EEIG2: variants seen among roughly 807,000 people sequenced by gnomAD.
EEIG2 encodes EEIG family member 2.
chr1:108,614,450 T>C, the EEIG2 span, among the ~76,000 whole-genome samples: 2 of 152,162 alleles, frequency 1.3e-5, no homozygotes, highest in Non-Finnish European at 2.9e-5. Flanking sequence ...TTCTGTCTCA[T>C]ACCTTTTTTC....
chr1:108,596,561 T>C, the EEIG2 span, among the ~76,000 whole-genome samples: 1 of 152,150 alleles, frequency 6.6e-6, no homozygotes, highest in African/African-American at 2.4e-5. Context: ...TCTGGAATGA[T>C]AAAATATCAA....
chr1:108,574,078 T>G, the EEIG2 span, among the ~76,000 whole-genome samples: 2 of 152,186 alleles, frequency 1.3e-5, no homozygotes, highest in Admixed American at 1.3e-4. Context: ...CATAGCAGCA[T>G]TATTCTAAAT....
At chr1:108,626,876 C>CA in the EEIG2 span, 1 of 152,196 alleles carries the variant, frequency 6.6e-6, no homozygotes, top group South Asian at 2.1e-4. Context: ...ATACGTCGCT[C>CA]AAGTCCTGGG....
the EEIG2 span, chr1:108,626,977 C>G: frequency 6.6e-6 from 1 of 152,148 alleles, no homozygotes; most frequent in Non-Finnish European, 1.5e-5. Context: ...TTTGTACTTA[C>G]CACATTGTAT....
chr1:108,599,698 A>C, the EEIG2 span, among the ~76,000 whole-genome samples: 3 of 152,030 alleles, frequency 2.0e-5, no homozygotes, highest in Non-Finnish European at 4.4e-5. Flanking sequence ...ATCACACTTC[A>C]TTTTCCTTAT....
At chr1:108,633,943 G>A in the EEIG2 span, among the ~76,000 whole-genome samples, 7 of 152,116 alleles carry the variant, frequency 4.6e-5, no homozygotes, top group Non-Finnish European at 7.3e-5. Flanking sequence ...CTGCAGGCTC[G>A]GAAGATCCTG....
At chr1:108,583,986 GCT>G in the EEIG2 span, among the ~76,000 whole-genome samples, 2 of 152,104 alleles carry the variant, frequency 1.3e-5, no homozygotes, top group South Asian at 4.1e-4. Context: ...TATGAGAGAT[GCT>G]CTGTTTATTT....
the EEIG2 span, among the ~76,000 whole-genome samples, chr1:108,609,306 T>C: frequency 6.6e-6 from 1 of 152,182 alleles, no homozygotes; most frequent in Non-Finnish European, 1.5e-5. Flanking sequence ...TTTGTGGAGC[T>C]TACATGCTAA....
chr1:108,568,462 G>C, the EEIG2 span, among the ~76,000 whole-genome samples: 2 of 152,156 alleles, frequency 1.3e-5, no homozygotes, highest in East Asian at 3.9e-4. Context: ...CTTGAGAGAA[G>C]ATAATGGTCT....
At chr1:108,603,069 A>T in the EEIG2 span, among the ~76,000 whole-genome samples, 1 of 152,188 alleles carries the variant, frequency 6.6e-6, no homozygotes, top group African/African-American at 2.4e-5. Context: ...CCCTCTGAGA[A>T]CTATTAGAAA....
At chr1:108,601,463 A>G in the EEIG2 span, among the ~76,000 whole-genome samples, 14 of 151,528 alleles carry the variant, frequency 9.2e-5, no homozygotes, top group African/African-American at 3.4e-4. Context: ...TAAGTATTAC[A>G]TAAAATACTT....
chr1:108,561,958 G>C, the EEIG2 span, among the ~76,000 whole-genome samples: 1 of 152,180 alleles, frequency 6.6e-6, no homozygotes. Context: ...ACTTGTCTAC[G>C]GGGCTTCCTT....
At chr1:108,602,390 G>A in the EEIG2 span, among the ~76,000 whole-genome samples, 1 of 152,114 alleles carries the variant, frequency 6.6e-6, no homozygotes, top group Non-Finnish European at 1.5e-5. Context: ...CACACCTCTC[G>A]CCTAATGTCC....
At chr1:108,609,486 C>G in the EEIG2 span, among the ~76,000 whole-genome samples, 1 of 151,920 alleles carries the variant, frequency 6.6e-6, no homozygotes, top group South Asian at 2.1e-4. Context: ...CAGGGAAGGC[C>G]CCTTTAGAGA....
chr1:108,583,020 A>G, the EEIG2 span, among the ~76,000 whole-genome samples: 1 of 152,130 alleles, frequency 6.6e-6, no homozygotes, highest in African/African-American at 2.4e-5. Context: ...TGTGGAAAAT[A>G]TATAAAATTA....
At chr1:108,560,607 C>G in the EEIG2 span, 2 of 1,594,826 alleles carry the variant, frequency 1.3e-6, no homozygotes, top group Non-Finnish European at 1.7e-6. Context: ...TCTGCTTGGC[C>G]AGGGCTTGTT....
chr1:108,623,714 C>G, the EEIG2 span, among the ~76,000 whole-genome samples: 1 of 152,036 alleles, frequency 6.6e-6, no homozygotes, highest in Non-Finnish European at 1.5e-5. Context: ...CTCTGTCGCC[C>G]AGGCTGGAGT....
At chr1:108,563,622 A>T in the EEIG2 span, among the ~76,000 whole-genome samples, 1 of 152,210 alleles carries the variant, frequency 6.6e-6, no homozygotes, top group African/African-American at 2.4e-5. Flanking sequence ...TGATATATAT[A>T]TTAATATATT....
chr1:108,608,620 T>A, the EEIG2 span, among the ~76,000 whole-genome samples: 4 of 152,374 alleles, frequency 2.6e-5, no homozygotes, highest in Admixed American at 6.5e-5. Context: ...TGTTTCCCAG[T>A]GTCTGCAACT....
Sources: allele counts gnomAD v4.1 joint callset (sites outside exome capture counted in the v4.1 genomes callset), GRCh38; gene constraint gnomAD v4.1.1; transcripts MANE v1.5; gene names NCBI Gene and HGNC (gene_info 2026-07-23, HGNC 2026-07-21).